Variants in DYDC2 observed in about 807,000 individuals in gnomAD.
DYDC2 encodes the protein DPY30 domain containing 2.
DYDC2 carries 19 observed loss-of-function variants against 18.7 expected under a neutral mutation model. The ratio of observed to expected loss-of-function variants is 1.02; its 90% CI spans 0.71 to 1.49. The LOEUF (loss-of-function observed/expected upper bound fraction) is 1.49, where lower values mean the gene tolerates loss of function less well. DYDC2 is among the 40% of genes most tolerant of loss of function. DYDC2 has a pLI of 0.00. For missense variants in DYDC2, 179 were observed against 205.1 expected, an observed-to-expected ratio of 0.87 and a Z score of 0.78; for synonymous variants, 63 against 67.6, an observed-to-expected ratio of 0.93 and a Z score of 0.34.
At chr10:80,356,059 A>T (rs1843349210), upstream of DYDC2, among the ~76,000 whole-genome samples, 1 of 151,486 alleles carries the variant, frequency 6.6e-6, no homozygotes, top group Admixed American at 6.6e-5. Context: ...GAAGGGAGGA[A>T]GGGGACCATT....
In DYDC2 at chr10:80,362,498, G is replaced by T. The variant is rs1453445539; in HGVS notation, c.55G>T (p.Ala19Ser). Residue 19 changes from alanine to serine, a missense_variant, in exon 3 of 5, where the codon GCA becomes TCA. Coordinates refer to ENST00000256039, the MANE Select transcript of DYDC2 (RefSeq NM_032372.6). The part of the protein sequence containing the change: ...CFGNCLAQAL[A>S]EVAKVRPSDP... ...TGGAAATTGCCTGGCCCAGGCACTG[G>T]CAGAGGTGGCGAAGGTTCGGCCCAG... The T allele has an allele frequency of 1.1e-5, 18 of 1,613,994 alleles. No homozygotes were observed. Among genetic ancestry groups the T allele is most frequent in the Non-Finnish European group, 1.4e-5 (17 of 1,179,992 alleles).
At position 80,362,517 on chromosome 10, in the gene DYDC2, G is replaced by A. The variant is rs144349892; in HGVS notation, c.74G>A (p.Arg25Gln). 4.6e-4 allele frequency: 745 copies of A among 1,614,074 alleles called. No individual in the cohort carries two copies. Among genetic ancestry groups the A allele is most frequent in the Non-Finnish European group, 5.7e-4 (677 of 1,179,980 alleles). The part of the protein sequence containing the change: ...AQALAEVAKV[R>Q]PSDPIEYLAH... ...GCACTGGCAGAGGTGGCGAAGGTTC[G>A]GCCCAGTGACCCAATAGAATACCTG... Residue 25 changes from arginine to glutamine, a missense_variant, in exon 3 of 5, where the codon CGG (arginine) becomes CAG (glutamine). Physicochemically the swap from Arg to Gln is conservative, Grantham distance 43. Transcript: ENST00000256039.
At chr10:80,366,026 C>CT (rs1843824686) in intron 4 of DYDC2, among the ~76,000 whole-genome samples, 3 of 106,212 alleles carry the variant, frequency 2.8e-5, no homozygotes, top group Admixed American at 9.7e-5. Context: ...CTTTTTCTTT[C>CT]TCTTTTTTTT....
At chr10:80,356,902 GGCGGCAGAGTAGAGGGGGC>G (rs1168607663) in intron 1 of DYDC2, 77 bp downstream of exon 1, 138 of 962,218 alleles carry the variant, frequency 1.4e-4, no homozygotes, top group South Asian at 1.3e-3. Flanking sequence ...AGTAGGAGCA[GGCGGCAGAGTAGAGGGGGC>G]GCGGCAGAGT....
chr10:80,359,493 GC>G (rs1447854271), intron 2 of DYDC2, among the ~76,000 whole-genome samples: 1 of 152,208 alleles, frequency 6.6e-6, no homozygotes, highest in Non-Finnish European at 1.5e-5. Context: ...CACGTAGTGT[GC>G]CCGCACTCCT....
At chr10:80,354,233 T>C (rs1366581600), upstream of DYDC2, 1 of 151,692 alleles carries the variant, frequency 6.6e-6, no homozygotes, top group African/African-American at 2.4e-5. Context: ...ACACCTGTAA[T>C]CCTAGCACTT....
At chr10:80,363,344 T>G (rs909547688) in intron 4 of DYDC2, among the ~76,000 whole-genome samples, 1 of 128,002 alleles carries the variant, frequency 7.8e-6, no homozygotes, top group African/African-American at 3.0e-5. Flanking sequence ...CTGTTTTTTT[T>G]TTTTTTTTTT....
rs548656174 is a variant in DYDC2 at position 80,357,728 on chromosome 10, C to A, written c.-162-165C>A. Among the ~76,000 whole-genome samples the A allele has an allele frequency of 2.0e-5, 3 of 152,250 alleles. No individual in the cohort carries two copies. The South Asian group carries it at 6.2e-4, about 32-fold the overall frequency. Reference sequence around the variant, plus strand: ...GTCGTCTGTGCATGTGCTAGCCTTTCCTGTGCTCTCTTTCAGCTTATGGGC... The same window carrying A: ...GTCGTCTGTGCATGTGCTAGCCTTTACTGTGCTCTCTTTCAGCTTATGGGC... On this transcript the variant is annotated intron_variant, in intron 1 of 4. Transcript: ENST00000256039.
At chr10:80,352,992 C>T (rs375735469), upstream of DYDC2, among the ~76,000 whole-genome samples, 1 of 151,584 alleles carries the variant, frequency 6.6e-6, no homozygotes, top group African/African-American at 2.4e-5. Flanking sequence ...GCACAGACAG[C>T]GTAAGTGCAC....
intron 1 of DYDC2, among the ~76,000 whole-genome samples, chr10:80,350,703 C>T (rs1363713364): frequency 6.6e-6 from 1 of 152,132 alleles, no homozygotes; most frequent in Non-Finnish European, 1.5e-5. Context: ...AGGCTTCTTT[C>T]CCCTTTTTAA....
In DYDC2 at chr10:80,367,200, G is replaced by GCACCCACC; in HGVS notation, c.*249_*250insCACCCACC. 2.3e-6 allele frequency: 1 copy of GCACCCACC among 438,830 alleles called. No individual in the cohort carries two copies. Among genetic ancestry groups the GCACCCACC allele is most frequent in the Non-Finnish European group, 4.0e-6 (1 of 251,116 alleles). The allele number at this position is 438,830 out of a possible 1,614,324, so 27.2% of individuals were successfully genotyped here. ...TTTCCTCTTGTTTTATCAACGTTTT[G>GCACCCACC]GAGACTACACAATGAAAACACATCT... On this transcript the variant is annotated 3_prime_UTR_variant, in exon 5 of 5. Coordinates refer to ENST00000256039, the MANE Select transcript of DYDC2 (RefSeq NM_032372.6).
upstream of DYDC2, chr10:80,352,508 A>T: frequency 1.2e-6 from 2 of 1,613,536 alleles, no homozygotes; most frequent in Non-Finnish European, 1.7e-6. Flanking sequence ...AATGCTAAAT[A>T]TTCTATCGGA....
At chr10:80,351,453 C>G (rs1253613459) in intron 1 of DYDC2, among the ~76,000 whole-genome samples, 1 of 151,248 alleles carries the variant, frequency 6.6e-6, no homozygotes, top group East Asian at 1.9e-4. Flanking sequence ...AAAGCATTGC[C>G]TACATTTTCC....
chr10:80,354,121 T>A (rs375174271), upstream of DYDC2, among the ~76,000 whole-genome samples: 5 of 143,968 alleles, frequency 3.5e-5, no homozygotes, highest in South Asian at 6.6e-4. Context: ...GTCTCATATA[T>A]AAAAAAAAAT....
chr10:80,359,782 G>A (rs1009351095), intron 2 of DYDC2, among the ~76,000 whole-genome samples: 3 of 152,224 alleles, frequency 2.0e-5, no homozygotes, highest in Admixed American at 6.5e-5. Context: ...CGGCTGATCC[G>A]AGTGCGGGGC....
intron 4 of DYDC2, among the ~76,000 whole-genome samples, chr10:80,365,993 C>T (rs1473541088): frequency 1.3e-5 from 2 of 150,892 alleles, no homozygotes; most frequent in East Asian, 3.9e-4. Flanking sequence ...CTGTTAATTC[C>T]ACCATCTTTG....
chr10:80,352,030 C>G (rs571436293), upstream of DYDC2: 36 of 1,604,044 alleles, frequency 2.2e-5, no homozygotes, highest in Non-Finnish European at 2.8e-5. Flanking sequence ...CAACAGCACA[C>G]GACTTCTTAG....
chr10:80,356,574 G>C, upstream of DYDC2: 2 of 985,516 alleles, frequency 2.0e-6, no homozygotes, highest in Non-Finnish European at 2.4e-6. Context: ...CCCCAGGCGC[G>C]AAGCGGCCTC....
chr10:80,357,598 T>C (rs1843465819), intron 1 of DYDC2, among the ~76,000 whole-genome samples: 1 of 152,174 alleles, frequency 6.6e-6, no homozygotes, highest in Non-Finnish European at 1.5e-5. Flanking sequence ...TTGCTCTTGC[T>C]GGTGACCTCT....
Sources: gnomAD v4.1 joint callset for allele counts (sites outside exome capture counted in the v4.1 genomes callset) on GRCh38, gnomAD v4.1.1 for gene constraint, MANE v1.5 for transcripts, NCBI Gene and HGNC (gene_info 2026-07-23, HGNC 2026-07-21) for gene names.